GUCY2C: variants seen among roughly 807,000 people sequenced by gnomAD.
The protein encoded by GUCY2C is guanylate cyclase 2C.
GUCY2C carries 118 observed loss-of-function variants against 131.1 expected under a neutral mutation model. The ratio of observed to expected loss-of-function variants is 0.90; its 90% confidence interval spans 0.78 to 1.05. The LOEUF (loss-of-function observed/expected upper bound fraction) is 1.05. Among genes scored for constraint, GUCY2C ranks in the 50% least tolerant of loss-of-function variants. The pLI, the probability that GUCY2C is intolerant of heterozygous loss-of-function variation, is 0.00. For missense variants in GUCY2C, 1,161 were observed against 1,304.4 expected, an observed-to-expected ratio of 0.89 and a Z score of 1.69; for synonymous variants, 452 against 457.8, an observed-to-expected ratio of 0.99 and a Z score of 0.16.
intron 7 of GUCY2C, 86 bp downstream of exon 7, chr12:14,676,768 G>C: frequency 2.9e-6 from 1 of 348,558 alleles, no homozygotes; most frequent in Non-Finnish European, 5.1e-6. Flanking sequence ...TTAGAATTTG[G>C]GTCCTAAATG....
chr12:14,646,024 C>T (rs554122783), intron 15 of GUCY2C, among the ~76,000 whole-genome samples: 14 of 152,016 alleles, frequency 9.2e-5, no homozygotes, highest in African/African-American at 3.1e-4. Context: ...TTACTAGAGA[C>T]GGGGTTTCGC....
intron 19 of GUCY2C, among the ~76,000 whole-genome samples, chr12:14,632,534 G>T (rs1283032737): frequency 6.6e-6 from 1 of 152,164 alleles, no homozygotes. Context: ...TTCCTTCAGA[G>T]GAAGGATAAA....
At position 14,613,193 on chromosome 12, in the gene GUCY2C, C is replaced by T. The variant is rs576694976; in HGVS notation, c.3146G>A (p.Arg1049Gln). The change falls in exon 27 of 27, where the codon CGG (arginine) becomes CAG (glutamine). Residue 1049 changes from arginine to glutamine, a missense_variant. Transcript: ENST00000261170. The surrounding 1 kb of genome is among the most constrained non-coding windows in gnomAD (Gnocchi z 4.9). The stretch of plus-strand genomic sequence containing the variant: ...AGTGCCTTTTTTATAGCTGGCTACC[C>T]GTCTGGGTTTTTGGCTTCTTATCCC... ...AAGIRSQKPR[R>Q]VASYKKGTLE... is the part of the protein sequence containing the mutation. 29 of 1,613,400 alleles carry T rather than the reference C, an allele frequency of 1.8e-5. 1 individual carries two copies. The South Asian group carries it at 2.1e-4, about 12-fold the overall frequency.
At chr12:14,627,754 G>A (rs1163048078) in intron 20 of GUCY2C, among the ~76,000 whole-genome samples, 4 of 151,846 alleles carry the variant, frequency 2.6e-5, no homozygotes, top group Non-Finnish European at 5.9e-5. Context: ...AGTCTCATCC[G>A]GACAGGACAG....
chr12:14,656,680 A>C, intron 11 of GUCY2C, 63 bp from the exon 12 acceptor site: 2 of 834,694 alleles, frequency 2.4e-6, no homozygotes, highest in Non-Finnish European at 4.1e-6. Flanking sequence ...CAGCTTCTGA[A>C]GACTGGGTGA....
rs569085139 is a variant in GUCY2C, at chr12:14,696,292, T to A, written c.157A>T (p.Asn53Tyr). The stretch of plus-strand genomic sequence containing the variant: ...CCCTCATTCACCGCATCTTCCAAGT[T>A]TTTCAGGGGCTCTGCAAAGGCTGAG... Reference protein sequence around the residue: ...GNSAFAEPLKNLEDAVNEGLE... With the variant: ...GNSAFAEPLKYLEDAVNEGLE... The change falls in exon 1 of 27, where the codon AAC (asparagine) becomes TAC (tyrosine). Residue 53 changes from asparagine to tyrosine, a missense_variant. Asn to Tyr is a moderately radical substitution (Grantham distance 143). Coordinates refer to ENST00000261170, the MANE Select transcript of GUCY2C (RefSeq NM_004963.4). 11 of 1,614,128 alleles carry A rather than the reference T, an allele frequency of 6.8e-6. No homozygotes were observed. The East Asian group carries it at 2.5e-4, about 36-fold the overall frequency.
chr12:14,659,108 C>T (rs913459395), intron 11 of GUCY2C, among the ~76,000 whole-genome samples: 12 of 151,038 alleles, frequency 7.9e-5, no homozygotes, highest in East Asian at 3.9e-4. Context: ...TGCAGTGGTG[C>T]GATCTCTGCT....
At position 14,661,042 on chromosome 12, in the gene GUCY2C, C is replaced by T. The variant is rs1432121496; in HGVS notation, c.1303G>A (p.Ala435Thr). 4 of 1,612,228 alleles carry T rather than the reference C, an allele frequency of 2.5e-6. No individual in the cohort carries two copies. The highest frequency in any genetic ancestry group is 3.4e-6 in the Non-Finnish European group (4 of 1,178,338). Reference protein sequence around the residue: ...TGRGPQILMIAVFTLTGAVVL... With the variant: ...TGRGPQILMITVFTLTGAVVL... ...ACAGCTCCAGTGAGGGTGAAGACTGCAATCATCAGGATCTGAGGGCCTGTG... is the reference window on the plus strand; with the variant it reads ...ACAGCTCCAGTGAGGGTGAAGACTGTAATCATCAGGATCTGAGGGCCTGTG... Residue 435 changes from alanine (A) to threonine (T), a missense_variant, in exon 11 of 27, where the codon GCA becomes ACA. Ala to Thr is a moderately conservative substitution (Grantham distance 58). Coordinates refer to ENST00000261170, the MANE Select transcript of GUCY2C (RefSeq NM_004963.4).
Position 14,649,055 on chromosome 12 carries a change from T to C in GUCY2C, c.1710+2352A>G, listed in dbSNP as rs369943864. 2.0e-5 allele frequency among the ~76,000 whole-genome samples: 3 copies of C among 152,306 alleles called. No individual in the cohort carries two copies. In the East Asian group the frequency reaches 5.8e-4, roughly 29 times the overall value. Reference sequence around the variant, plus strand: ...AACAGGTTGCAAATACTAAACCTGGTTTCCTCTTCCCTGAGCTATGGTTTC... The same window carrying C: ...AACAGGTTGCAAATACTAAACCTGGCTTCCTCTTCCCTGAGCTATGGTTTC... On this transcript the variant is annotated intron_variant, in intron 15 of 26. Transcript: ENST00000261170.
intron 15 of GUCY2C, among the ~76,000 whole-genome samples, chr12:14,646,111 C>T (rs1331711568): frequency 6.6e-6 from 1 of 152,174 alleles, no homozygotes; most frequent in African/African-American, 2.4e-5. Context: ...GCTGGGATTA[C>T]AGGCACAAGC....
chr12:14,685,907 A>G (rs1302141113), intron 3 of GUCY2C, among the ~76,000 whole-genome samples: 2 of 152,042 alleles, frequency 1.3e-5, no homozygotes, highest in Non-Finnish European at 2.9e-5. Context: ...CTTTCTCTCA[A>G]AACTCTGACT....
At chr12:14,695,013 T>C (rs1275971899) in intron 1 of GUCY2C, among the ~76,000 whole-genome samples, 1 of 152,210 alleles carries the variant, frequency 6.6e-6, no homozygotes, top group Admixed American at 6.6e-5. Context: ...AGGTAATTTA[T>C]ATCCAGTGGA....
intron 19 of GUCY2C, among the ~76,000 whole-genome samples, chr12:14,629,032 T>C (rs1460619416): frequency 2.0e-5 from 3 of 151,960 alleles, no homozygotes; most frequent in Non-Finnish European, 4.4e-5. Context: ...AAGTTTTACG[T>C]TGGAGAGAGA....
intron 6 of GUCY2C, among the ~76,000 whole-genome samples, chr12:14,678,308 G>A (rs538819418): frequency 1.3e-5 from 2 of 152,214 alleles, no homozygotes; most frequent in Non-Finnish European, 2.9e-5. Flanking sequence ...GAATTAGAAT[G>A]TGAACACATT....
Position 14,641,098 on chromosome 12 carries a change from G to C in GUCY2C, c.2052C>G (p.Ser684Arg), listed in dbSNP as rs1038606646. ...ILRKETFYTLSCRDRNEKIFR... is the reference protein window; with the variant it reads ...ILRKETFYTLRCRDRNEKIFR... ...TAGATGTACCATTCCGGTCCCGACA[G>C]CTCAAAGTGTAGAAGGTTTCTTTCC... Residue 684 changes from serine (S) to arginine (R), a missense_variant, in exon 18 of 27, where the codon AGC becomes AGG. Physicochemically the swap from Ser to Arg is moderately radical, Grantham distance 110. Transcript: ENST00000261170. 6.2e-7 allele frequency: 1 copy of C among 1,613,580 alleles called. No homozygotes were observed. The highest frequency in any genetic ancestry group is 2.2e-5 in the East Asian group (1 of 44,860).
At chr12:14,657,138 T>C (rs988048649) in intron 11 of GUCY2C, among the ~76,000 whole-genome samples, 2 of 152,196 alleles carry the variant, frequency 1.3e-5, no homozygotes, top group Non-Finnish European at 2.9e-5. Flanking sequence ...GACCCCTGTT[T>C]CCTAGTCTTT....
At chr12:14,685,114 G>T (rs192291662) in intron 3 of GUCY2C, among the ~76,000 whole-genome samples, 2 of 152,300 alleles carry the variant, frequency 1.3e-5, no homozygotes, top group Non-Finnish European at 2.9e-5. Context: ...CTCTGCCACA[G>T]CTAAAATGCT....
chr12:14,656,280 A>G (rs183218006), intron 12 of GUCY2C, among the ~76,000 whole-genome samples: 1 of 152,328 alleles, frequency 6.6e-6, no homozygotes, highest in Admixed American at 6.5e-5. Flanking sequence ...GATGCAAAGA[A>G]CGAGAACACA....
intron 18 of GUCY2C, among the ~76,000 whole-genome samples, chr12:14,640,630 G>A (rs1031945243): frequency 3.3e-5 from 5 of 152,080 alleles, no homozygotes; most frequent in South Asian, 4.1e-4. Context: ...AACAGTTAAC[G>A]GTTAGCACGT....
Sources: allele counts gnomAD v4.1 joint callset (sites outside exome capture counted in the v4.1 genomes callset), GRCh38; gene constraint gnomAD v4.1.1; non-coding constraint Gnocchi (gnomAD v3.1); transcripts MANE v1.5; gene names NCBI Gene and HGNC (gene_info 2026-07-23, HGNC 2026-07-21).